CATSPERB: variants seen among roughly 807,000 people sequenced by gnomAD.
CATSPERB encodes the protein catsper channel auxiliary subunit beta, also known as cation channel sperm-associated auxiliary subunit beta.
In CATSPERB, 93 loss-of-function variants were observed where a neutral mutation model predicts 128.3. The ratio of observed to expected loss-of-function variants is 0.72; its 90% CI spans 0.61 to 0.86. The LOEUF (loss-of-function observed/expected upper bound fraction) is 0.86, where lower values mean the gene tolerates loss of function less well. CATSPERB is among the 40% of genes least tolerant of loss of function. CATSPERB has a pLI of 0.00. For missense variants in CATSPERB, 1,153 were observed against 1,329.5 expected (o/e 0.87, Z 2.06); for synonymous variants, 381 against 448.8 (o/e 0.85, Z 1.91).
intron 22 of CATSPERB, among the ~76,000 whole-genome samples, chr14:91,597,713 C>T (rs1893531411): frequency 6.6e-6 from 1 of 152,072 alleles, no homozygotes; most frequent in African/African-American, 2.4e-5. Context: ...ATTTCTTGCC[C>T]TGTGTCTCAG....
intron 22 of CATSPERB, chr14:91,603,404 A>G (rs1485390752): frequency 2.1e-5 from 34 of 1,607,466 alleles, no homozygotes; most frequent in Non-Finnish European, 2.8e-5. Flanking sequence ...AGGTATAAGC[A>G]GCACGTCCTC....
At position 91,596,422 on chromosome 14, in the gene CATSPERB, C is replaced by T. The variant is rs1050692071; in HGVS notation, c.2710-4420G>A. Among the ~76,000 whole-genome samples the T allele has an allele frequency of 3.0e-4, 46 of 152,118 alleles. 1 individual carries two copies. The highest frequency in any genetic ancestry group is 6.3e-4 in the Non-Finnish European group (43 of 68,030). On this transcript the variant is annotated intron_variant, in intron 22 of 26. Coordinates refer to ENST00000256343, the MANE Select transcript of CATSPERB (RefSeq NM_024764.4). Reference sequence around the variant, plus strand: ...GTTTCACCTTGTTAGCCAGGATGGTCTCAATCTCCTGACCTTGTGATCCGC... The same window carrying T: ...GTTTCACCTTGTTAGCCAGGATGGTTTCAATCTCCTGACCTTGTGATCCGC...
chr14:91,632,485 A>G (rs1894297150), intron 17 of CATSPERB, among the ~76,000 whole-genome samples: 1 of 152,308 alleles, frequency 6.6e-6, no homozygotes, highest in Middle Eastern at 3.4e-3. Flanking sequence ...TAGTCACTAA[A>G]TACCAACAAA....
At chr14:91,600,816 G>A (rs1893596290) in intron 22 of CATSPERB, among the ~76,000 whole-genome samples, 1 of 152,230 alleles carries the variant, frequency 6.6e-6, no homozygotes, top group Non-Finnish European at 1.5e-5. Flanking sequence ...GCCTCCCAGA[G>A]TAAATCCTTG....
At position 91,612,039 on chromosome 14, in the gene CATSPERB, TCTTTCTTTCTTTCTTTCTTTCTTTCTTC is replaced by T. The variant is rs1164132359; in HGVS notation, c.2401-1390_2401-1363del. On this transcript the variant is annotated intron_variant, in intron 20 of 26. Coordinates refer to ENST00000256343, the MANE Select transcript of CATSPERB (RefSeq NM_024764.4). ...TTCTTTCTTTCTTTCTTTCTTTCTT[TCTTTCTTTCTTTCTTTCTTTCTTTCTTC>T]CTTTTTTTAAGAGATGAGATCGCGC... Among the ~76,000 whole-genome samples, 50 of 104,534 alleles carry T rather than the reference TCTTTCTTTCTTTCTTTCTTTCTTTCTTC, an allele frequency of 4.8e-4. 1 individual carries two copies. The highest frequency in any genetic ancestry group is 1.1e-3 in the African/African-American group (35 of 31,226). 68.6% of individuals were successfully genotyped at this position (104,534 alleles called of 152,430 possible). A position where few individuals can be genotyped will look rare whatever the true frequency, so the allele number is the denominator to read the frequency against.
At chr14:91,670,432 C>T (rs1460780166) in intron 13 of CATSPERB, among the ~76,000 whole-genome samples, 1 of 151,862 alleles carries the variant, frequency 6.6e-6, no homozygotes, top group Non-Finnish European at 1.5e-5. Flanking sequence ...AATCTCAGCA[C>T]TTTGGGAGGC....
rs199640386 is a variant in CATSPERB, at chr14:91,621,862, G to A, written c.2006C>T (p.Thr669Ile). Residue 669 changes from threonine to isoleucine, a missense_variant, in exon 19 of 27, where the codon ACA becomes ATA. Transcript: ENST00000256343. ...TGCATTCTTATTATCTAAAATGCTTGTGATGAGGAAGCTGCTGTACCCGGG... is the reference window on the plus strand; with the variant it reads ...TGCATTCTTATTATCTAAAATGCTTATGATGAGGAAGCTGCTGTACCCGGG... ...VLPGYSSFLITSILDNKNALA... is the reference protein window; with the variant it reads ...VLPGYSSFLIISILDNKNALA... 178 of 1,613,930 alleles carry A rather than the reference G, an allele frequency of 1.1e-4. No individual in the cohort carries two copies. Among genetic ancestry groups the A allele is most frequent in the Non-Finnish European group, 1.4e-4 (167 of 1,179,926 alleles).
intron 22 of CATSPERB, among the ~76,000 whole-genome samples, chr14:91,598,676 G>T (rs1352249195): frequency 6.6e-6 from 1 of 151,972 alleles, no homozygotes; most frequent in African/African-American, 2.4e-5. Flanking sequence ...GGCTAACATG[G>T]TGAAACCCCA....
chr14:91,665,095 G>T (rs572294401), intron 14 of CATSPERB, among the ~76,000 whole-genome samples: 2 of 152,128 alleles, frequency 1.3e-5, no homozygotes, highest in East Asian at 3.9e-4. Context: ...GTTTTGGCAT[G>T]TTGCCCAAGC....
Position 91,636,567 on chromosome 14 carries a change from C to T in CATSPERB, c.1600G>A (p.Gly534Ser), listed in dbSNP as rs1894379689. Residue 534 changes from glycine to serine, a missense_variant, in exon 17 of 27, where the codon GGC (glycine) becomes AGC (serine). By Grantham distance (56) the Gly-to-Ser change is moderately conservative. Transcript: ENST00000256343. ...RNLFGQPPDM[G>S]FETALAPQHT... ...TGTGGGGCAAGCGCAGTCTCAAAGC[C>T]CATATCTGGAGGCTGGAAACAGAGA... The T allele has an allele frequency of 6.2e-7, 1 of 1,612,410 alleles. No homozygotes were observed. The highest frequency in any genetic ancestry group is 1.7e-5 in the Admixed American group (1 of 59,694).
intron 15 of CATSPERB, among the ~76,000 whole-genome samples, chr14:91,651,037 C>T (rs1369481671): frequency 1.3e-5 from 2 of 151,956 alleles, no homozygotes; most frequent in Non-Finnish European, 2.9e-5. Context: ...GCTGTTTATT[C>T]TCTATTTGGC....
intron 8 of CATSPERB, 36 bp from the exon 9 acceptor site, chr14:91,693,280 AG>A (rs748238409): frequency 3.8e-5 from 59 of 1,571,422 alleles, no homozygotes; most frequent in Non-Finnish European, 4.8e-5. Context: ...TTAAAAAGTA[AG>A]AAAAAAGTGA....
intron 15 of CATSPERB, among the ~76,000 whole-genome samples, chr14:91,657,852 C>T (rs565226623): frequency 1.9e-4 from 29 of 152,040 alleles, no homozygotes; most frequent in African/African-American, 5.8e-4. Flanking sequence ...TAGCTTTTAT[C>T]GAAAAGACAG....
intron 18 of CATSPERB, among the ~76,000 whole-genome samples, chr14:91,624,531 C>A (rs1486108137): frequency 6.6e-6 from 1 of 151,990 alleles, no homozygotes; most frequent in Non-Finnish European, 1.5e-5. Flanking sequence ...ATCCCAGCTA[C>A]TCGGGAGGCT....
At chr14:91,675,084 T>G (rs1895169226) in intron 11 of CATSPERB, among the ~76,000 whole-genome samples, 1 of 151,092 alleles carries the variant, frequency 6.6e-6, no homozygotes, top group Admixed American at 6.8e-5. Flanking sequence ...CAAGCTTGCA[T>G]TCATTACAAA....
chr14:91,584,120 G>A (rs1207131572), intron 26 of CATSPERB, among the ~76,000 whole-genome samples: 1 of 151,952 alleles, frequency 6.6e-6, no homozygotes, highest in African/African-American at 2.4e-5. Flanking sequence ...GCTGGATGAA[G>A]TGCAGTGGTG....
chr14:91,636,982 T>TG (rs1313139011), intron 16 of CATSPERB, among the ~76,000 whole-genome samples: 2 of 152,200 alleles, frequency 1.3e-5, no homozygotes, highest in African/African-American at 4.8e-5. Flanking sequence ...CCTGATCTCG[T>TG]GCTAGAGACT....
At chr14:91,672,022 AAACAACAACAAC>A (rs35442642) in intron 13 of CATSPERB, among the ~76,000 whole-genome samples, 25 of 150,142 alleles carry the variant, frequency 1.7e-4, no homozygotes, top group African/African-American at 5.9e-4. Context: ...TCTGTCTCAA[AAACAACAACAAC>A]AACAACAACA....
At chr14:91,627,399 A>G (rs1448704030) in intron 17 of CATSPERB, among the ~76,000 whole-genome samples, 1 of 152,244 alleles carries the variant, frequency 6.6e-6, no homozygotes, top group Non-Finnish European at 1.5e-5. Context: ...TGACAATTAT[A>G]CTGACAAATA....
Sources: gnomAD v4.1 joint callset for allele counts (sites outside exome capture counted in the v4.1 genomes callset) on GRCh38, gnomAD v4.1.1 for gene constraint, MANE v1.5 for transcripts, NCBI Gene and HGNC (gene_info 2026-07-23, HGNC 2026-07-21) for gene names.